BMAL2: variants seen among roughly 807,000 people sequenced by gnomAD.
BMAL2 encodes basic helix-loop-helix ARNT like 2.
the BMAL2 span, among the ~76,000 whole-genome samples, chr12:27,358,984 TTAAAG>T: frequency 1.3e-5 from 2 of 151,972 alleles, no homozygotes; most frequent in African/African-American, 4.9e-5. Flanking sequence ...ACTAAGGATC[TTAAAG>T]TAATGTGTCA....
At chr12:27,342,110 A>AT in the BMAL2 span, among the ~76,000 whole-genome samples, 2 of 151,660 alleles carry the variant, frequency 1.3e-5, no homozygotes, top group Admixed American at 6.6e-5. Flanking sequence ...CTAATTTTGT[A>AT]TTTTTTTAGT....
the BMAL2 span, among the ~76,000 whole-genome samples, chr12:27,381,915 A>G: frequency 6.6e-6 from 1 of 152,214 alleles, no homozygotes; most frequent in Non-Finnish European, 1.5e-5. Context: ...AAGGATGACC[A>G]AGGGTCTTAG....
At chr12:27,417,071 A>G in the BMAL2 span, among the ~76,000 whole-genome samples, 1 of 152,294 alleles carries the variant, frequency 6.6e-6, no homozygotes, top group East Asian at 1.9e-4. Context: ...TTAGGTATCC[A>G]TTTTGCGTGA....
chr12:27,416,711 T>C, the BMAL2 span, among the ~76,000 whole-genome samples: 1 of 152,144 alleles, frequency 6.6e-6, no homozygotes, highest in African/African-American at 2.4e-5. Flanking sequence ...TAATCCCAGC[T>C]ACTCAGGAGG....
chr12:27,399,442 G>C, the BMAL2 span, among the ~76,000 whole-genome samples: 4 of 152,178 alleles, frequency 2.6e-5, no homozygotes, highest in African/African-American at 9.7e-5. Flanking sequence ...TACCTGGTGT[G>C]ACCTTGCCAT....
At chr12:27,376,896 G>A in the BMAL2 span, among the ~76,000 whole-genome samples, 4 of 151,470 alleles carry the variant, frequency 2.6e-5, no homozygotes, top group African/African-American at 7.3e-5. Flanking sequence ...GCTACTCGGG[G>A]GGACTGAGGC....
the BMAL2 span, among the ~76,000 whole-genome samples, chr12:27,386,065 G>A: frequency 1.3e-5 from 2 of 151,934 alleles, no homozygotes; most frequent in Admixed American, 6.6e-5. Flanking sequence ...AAATGTCTTG[G>A]TCATGTGCTG....
At chr12:27,356,151 AG>A in the BMAL2 span, among the ~76,000 whole-genome samples, 2 of 152,210 alleles carry the variant, frequency 1.3e-5, no homozygotes, top group African/African-American at 4.8e-5. Context: ...CTTGGATTAC[AG>A]TCTTTATTAC....
the BMAL2 span, among the ~76,000 whole-genome samples, chr12:27,363,425 T>TA: frequency 6.6e-6 from 1 of 152,204 alleles, no homozygotes; most frequent in Non-Finnish European, 1.5e-5. Context: ...TGTAGCAACT[T>TA]ACATGCTTGC....
At chr12:27,397,220 G>A in the BMAL2 span, among the ~76,000 whole-genome samples, 1 of 152,160 alleles carries the variant, frequency 6.6e-6, no homozygotes, top group South Asian at 2.1e-4. Context: ...ACAGGCACAT[G>A]CCACCAAACC....
At chr12:27,418,094 A>G in the BMAL2 span, 12 of 1,609,828 alleles carry the variant, frequency 7.5e-6, no homozygotes, top group African/African-American at 4.0e-5. Flanking sequence ...TCAGATGTCA[A>G]ATAAGGAGTT....
chr12:27,343,161 T>C, the BMAL2 span, among the ~76,000 whole-genome samples: 1 of 152,256 alleles, frequency 6.6e-6, no homozygotes, highest in Non-Finnish European at 1.5e-5. Context: ...GCCATAAATA[T>C]CACTTTGGGT....
chr12:27,379,158 CAAGATAAACCCTATAGAAGG>C, the BMAL2 span, among the ~76,000 whole-genome samples: 1 of 152,106 alleles, frequency 6.6e-6, no homozygotes, highest in African/African-American at 2.4e-5. Context: ...TGTTACCTAC[CAAGATAAACCCTATAGAAGG>C]AAGATAAACC....
the BMAL2 span, among the ~76,000 whole-genome samples, chr12:27,376,957 C>T: frequency 3.4e-4 from 45 of 133,748 alleles, no homozygotes; most frequent in East Asian, 8.6e-4. Context: ...GCCGAAATCG[C>T]GCCACTGCAC....
At chr12:27,401,641 T>A in the BMAL2 span, 3 of 1,608,434 alleles carry the variant, frequency 1.9e-6, no homozygotes, top group African/African-American at 1.3e-5. Flanking sequence ...ACAAAAGAAC[T>A]GGAATATATT....
the BMAL2 span, among the ~76,000 whole-genome samples, chr12:27,420,019 G>GCGCGCGCGCACACACACACACACA: frequency 2.4e-4 from 36 of 147,568 alleles, no homozygotes; most frequent in African/African-American, 8.3e-4. Context: ...GTTTGCGCGT[G>GCGCGCGCGCACACACACACACACA]CACACACACA....
the BMAL2 span, among the ~76,000 whole-genome samples, chr12:27,397,297 C>T: frequency 6.6e-6 from 1 of 152,214 alleles, no homozygotes; most frequent in Admixed American, 6.5e-5. Flanking sequence ...GTCTTGATCT[C>T]CTGACCTTGT....
At chr12:27,346,558 C>G in the BMAL2 span, among the ~76,000 whole-genome samples, 3 of 151,942 alleles carry the variant, frequency 2.0e-5, no homozygotes, top group Admixed American at 2.0e-4. Flanking sequence ...CCACCATGCC[C>G]GGCCTAAACC....
chr12:27,421,956 G>A, the BMAL2 span: 14 of 152,052 alleles, frequency 9.2e-5, no homozygotes, highest in Non-Finnish European at 1.9e-4. Flanking sequence ...GTAACCAAAG[G>A]TAATAAAACA....
Sources: gnomAD v4.1 joint callset for allele counts (sites outside exome capture counted in the v4.1 genomes callset) on GRCh38, gnomAD v4.1.1 for gene constraint, MANE v1.5 for transcripts, NCBI Gene and HGNC (gene_info 2026-07-23, HGNC 2026-07-21) for gene names.